The following CACNB4 variants were observed in gnomAD, a reference collection of about 807,000 sequenced individuals.
CACNB4 encodes the protein calcium voltage-gated channel auxiliary subunit beta 4, also known as voltage-dependent L-type calcium channel subunit beta-4.
In CACNB4, 32 loss-of-function variants were observed where a neutral mutation model predicts 71.2. The ratio of observed to expected loss-of-function variants is 0.45; its 90% CI spans 0.34 to 0.60. The LOEUF (loss-of-function observed/expected upper bound fraction) is 0.60, where lower values mean the gene tolerates loss of function less well. Ranked by LOEUF, CACNB4 falls within the 20% of genes least tolerant of loss-of-function variation. The pLI, the probability that CACNB4 is intolerant of heterozygous loss-of-function variation, is 0.01. For synonymous variants in CACNB4, 231 were observed against 236.9 expected, an observed-to-expected ratio of 0.97 and a Z score of 0.23; for missense variants, 464 against 647.9, an observed-to-expected ratio of 0.72 and a Z score of 3.08.
intron 2 of CACNB4, among the ~76,000 whole-genome samples, chr2:151,946,367 C>A (rs1255626533): frequency 6.6e-6 from 1 of 151,720 alleles, no homozygotes; most frequent in African/African-American, 2.4e-5. Flanking sequence ...CTTCAGTGAC[C>A]AACCTTCCTG....
intron 2 of CACNB4, among the ~76,000 whole-genome samples, chr2:151,999,138 A>G (rs958728047): frequency 6.6e-6 from 1 of 152,212 alleles, no homozygotes; most frequent in African/African-American, 2.4e-5. Context: ...TATCCAGACA[A>G]TCAATCACTC....
intron 2 of CACNB4, among the ~76,000 whole-genome samples, chr2:151,888,355 A>T (rs2099849892): frequency 6.6e-6 from 1 of 152,096 alleles, no homozygotes; most frequent in Admixed American, 6.6e-5. Context: ...TGAGCCCAGG[A>T]GTTTGAGACC....
chr2:152,083,565 A>T (rs751440262), intron 2 of CACNB4, among the ~76,000 whole-genome samples: 1 of 152,216 alleles, frequency 6.6e-6, no homozygotes, highest in African/African-American at 2.4e-5. Flanking sequence ...CACAGTGTTA[A>T]ATGAACCGCA....
intron 2 of CACNB4, among the ~76,000 whole-genome samples, chr2:151,933,696 T>C (rs2099862208): frequency 6.6e-6 from 1 of 152,178 alleles, no homozygotes; most frequent in African/African-American, 2.4e-5. Context: ...AAGCACAGTT[T>C]TGCAATATTT....
At chr2:152,076,406 C>T (rs1687025842) in intron 2 of CACNB4, among the ~76,000 whole-genome samples, 1 of 151,130 alleles carries the variant, frequency 6.6e-6, no homozygotes, top group South Asian at 2.1e-4. Context: ...TTGTGATCCA[C>T]CCGCCTCGGC....
At chr2:151,926,661 C>A (rs1356137881) in intron 2 of CACNB4, among the ~76,000 whole-genome samples, 4 of 152,146 alleles carry the variant, frequency 2.6e-5, no homozygotes, top group Non-Finnish European at 4.4e-5. Context: ...TACTTCATAG[C>A]CTATAGAAAT....
At chr2:152,055,737 TAAG>T (rs1465765436) in intron 2 of CACNB4, among the ~76,000 whole-genome samples, 1 of 152,178 alleles carries the variant, frequency 6.6e-6, no homozygotes, top group Non-Finnish European at 1.5e-5. Flanking sequence ...CCCCTGATTC[TAAG>T]AAGATAATTA....
At chr2:151,943,329 T>C (rs2099864743) in intron 2 of CACNB4, among the ~76,000 whole-genome samples, 1 of 152,190 alleles carries the variant, frequency 6.6e-6, no homozygotes. Context: ...CTGCCCAAAT[T>C]GTCATTATCA....
chr2:152,046,685 G>A (rs1685155871), intron 2 of CACNB4, among the ~76,000 whole-genome samples: 1 of 152,160 alleles, frequency 6.6e-6, no homozygotes, highest in South Asian at 2.1e-4. Context: ...AGGAGAAGCA[G>A]GTAAGCTCTG....
intron 9 of CACNB4, among the ~76,000 whole-genome samples, chr2:151,863,307 C>A (rs1252909631): frequency 6.6e-6 from 1 of 152,314 alleles, no homozygotes; most frequent in Admixed American, 6.5e-5. Context: ...CTCAGGTGAT[C>A]TACCCACCTC....
At chr2:152,082,952 C>T (rs537056377) in intron 2 of CACNB4, among the ~76,000 whole-genome samples, 2 of 152,174 alleles carry the variant, frequency 1.3e-5, no homozygotes, top group Non-Finnish European at 2.9e-5. Context: ...TATTTTACCA[C>T]ACTTAAAACA....
intron 2 of CACNB4, among the ~76,000 whole-genome samples, chr2:151,988,447 A>T (rs537442871): frequency 1.6e-4 from 24 of 152,262 alleles, no homozygotes; most frequent in Admixed American, 1.4e-3. Flanking sequence ...CAAATAATAA[A>T]TATATATAAT....
intron 2 of CACNB4, among the ~76,000 whole-genome samples, chr2:152,004,807 T>C (rs1682633501): frequency 6.6e-6 from 1 of 152,176 alleles, no homozygotes; most frequent in Non-Finnish European, 1.5e-5. Context: ...CATTCTTCAA[T>C]AGGAAGACCA....
intron 2 of CACNB4, among the ~76,000 whole-genome samples, chr2:152,094,597 C>T (rs985445188): frequency 6.6e-6 from 1 of 152,144 alleles, no homozygotes; most frequent in African/African-American, 2.4e-5. Context: ...AATAGATACT[C>T]GGGGTACATG....
intron 2 of CACNB4, among the ~76,000 whole-genome samples, chr2:151,923,605 G>C (rs1433119558): frequency 6.6e-6 from 1 of 152,206 alleles, no homozygotes; most frequent in Non-Finnish European, 1.5e-5. Flanking sequence ...CAAAATATCA[G>C]TCTTGGCCAG....
intron 12 of CACNB4, among the ~76,000 whole-genome samples, chr2:151,846,950 T>C (rs2099837753): frequency 6.6e-6 from 1 of 152,198 alleles, no homozygotes; most frequent in Non-Finnish European, 1.5e-5. Flanking sequence ...ATTATAATGA[T>C]ACGCATTGCT....
At chr2:152,012,857 G>A (rs1024597050) in intron 2 of CACNB4, among the ~76,000 whole-genome samples, 1 of 152,048 alleles carries the variant, frequency 6.6e-6, no homozygotes, top group African/African-American at 2.4e-5. Flanking sequence ...CTACAGTAGT[G>A]GACAGTAATG....
chr2:151,924,530 T>C (rs556662773), intron 2 of CACNB4, among the ~76,000 whole-genome samples: 3 of 151,324 alleles, frequency 2.0e-5, no homozygotes, highest in South Asian at 2.1e-4. Flanking sequence ...TACAGGTGTG[T>C]GCCATCATGG....
chr2:152,072,081 A>G (rs1325005916), intron 2 of CACNB4, among the ~76,000 whole-genome samples: 1 of 152,274 alleles, frequency 6.6e-6, no homozygotes, highest in Non-Finnish European at 1.5e-5. Context: ...GCTTGCAATC[A>G]GGTTTAATTT....
Sources: allele counts gnomAD v4.1 joint callset (sites outside exome capture counted in the v4.1 genomes callset), GRCh38; gene constraint gnomAD v4.1.1; transcripts MANE v1.5; gene names NCBI Gene and HGNC (gene_info 2026-07-23, HGNC 2026-07-21).